Variants in ALKBH5 observed in about 807,000 individuals in gnomAD.
ALKBH5 encodes RNA demethylase ALKBH5.
In ALKBH5, 2 loss-of-function variants were observed where a neutral mutation model predicts 32.1. The ratio of observed to expected loss-of-function variants is 0.06; its 90% CI spans 0.03 to 0.20. The LOEUF (loss-of-function observed/expected upper bound fraction) is 0.20. ALKBH5 is among the 10% of genes least tolerant of loss of function. ALKBH5 has a pLI of 1.00. For missense variants in ALKBH5, 352 were observed against 559.5 expected (o/e 0.63, Z 3.74); for synonymous variants, 300 against 231.7 (o/e 1.29, Z -2.68).
At chr17:18,194,878 C>A in intron 1 of ALKBH5, 77 bp from the exon 2 acceptor site, 2 of 1,285,056 alleles carry the variant, frequency 1.6e-6, no homozygotes, top group Non-Finnish European at 2.2e-6. Flanking sequence ...AGGCCATGTT[C>A]CTGTCCTGTT....
intron 2 of ALKBH5, among the ~76,000 whole-genome samples, chr17:18,202,619 G>A (rs1401702519): frequency 6.6e-6 from 1 of 152,136 alleles, no homozygotes; most frequent in Non-Finnish European, 1.5e-5. Context: ...AGACGTTGGA[G>A]AGTAGTTGGT....
intron 1 of ALKBH5, among the ~76,000 whole-genome samples, chr17:18,188,434 G>A (rs2047152994): frequency 6.6e-6 from 1 of 152,252 alleles, no homozygotes; most frequent in Non-Finnish European, 1.5e-5. Context: ...TTGGTATTGG[G>A]TGGAGTGGGC....
chr17:18,208,260 C>G lies in ALKBH5; in HGVS notation c.1049C>G (p.Ser350Trp). Residue 350 changes from serine (S) to tryptophan (W), a missense_variant, in exon 4 of 4, where the codon TCG becomes TGG. Ser to Trp is a radical substitution (Grantham distance 177, BLOSUM62 -3). Coordinates refer to ENST00000399138, the MANE Select transcript of ALKBH5 (RefSeq NM_017758.4). ...LEMDKEENRR[S>W]VLLPTHRRRG... ...ATGGACAAGGAAGAGAACCGGCGCTCGGTGCTGCTGCCCACACACCGGCGG... is the reference window on the plus strand; with the variant it reads ...ATGGACAAGGAAGAGAACCGGCGCTGGGTGCTGCTGCCCACACACCGGCGG... 1 of 1,613,382 alleles carries G rather than the reference C, an allele frequency of 6.2e-7. No individual in the cohort carries two copies. The highest frequency in any genetic ancestry group is 8.5e-7 in the Non-Finnish European group (1 of 1,179,638).
rs533164130 is a variant in ALKBH5, at chr17:18,195,181, C to A, written c.851+146C>A. 28 of 639,804 alleles carry A rather than the reference C, an allele frequency of 4.4e-5. 1 individual carries two copies. The South Asian group carries it at 5.8e-4, about 13-fold the overall frequency. 39.6% of individuals were successfully genotyped at this position (639,804 alleles called of 1,614,324 possible). A position where few individuals can be genotyped will look rare whatever the true frequency, so the allele number is the denominator to read the frequency against. On this transcript the variant is annotated intron_variant, in intron 2 of 3. Transcript: ENST00000399138. ...TGTTAAGTTCTCTTTTTATTTGAAT[C>A]CTGTGAGGATAAAGTTGTTTTGTTG...
At chr17:18,186,966 C>G (rs1269714806) in intron 1 of ALKBH5, among the ~76,000 whole-genome samples, 1 of 152,114 alleles carries the variant, frequency 6.6e-6, no homozygotes, top group Admixed American at 6.5e-5. Flanking sequence ...GGGCCTGGCA[C>G]AGGGTAGGTA....
intron 1 of ALKBH5, among the ~76,000 whole-genome samples, chr17:18,194,137 T>G (rs1210247013): frequency 6.6e-6 from 1 of 151,324 alleles, no homozygotes; most frequent in African/African-American, 2.4e-5. Context: ...TGGAAATCCT[T>G]TTTTTTTGGG....
In ALKBH5 at chr17:18,184,080, C is replaced by G. The variant is rs1177585084; in HGVS notation, c.-164C>G. The G allele has an allele frequency of 1.4e-6, 1 of 700,460 alleles. No individual in the cohort carries two copies. The highest frequency in any genetic ancestry group is 2.5e-6 in the Non-Finnish European group (1 of 397,896). The allele number at this position is 700,460 out of a possible 1,614,324, so 43.4% of individuals were successfully genotyped here. A position where few individuals can be genotyped will look rare whatever the true frequency, so the allele number is the denominator to read the frequency against. ...GACCCGCCGCTCCTGAGGCCCTACCCCACGCCCGGACCCTCGACGCCCCCC... is the reference window on the plus strand; with the variant it reads ...GACCCGCCGCTCCTGAGGCCCTACCGCACGCCCGGACCCTCGACGCCCCCC... On this transcript the variant is annotated 5_prime_UTR_variant, in exon 1 of 4. Transcript: ENST00000399138.
intron 1 of ALKBH5, among the ~76,000 whole-genome samples, chr17:18,192,038 C>T (rs944590331): frequency 3.3e-5 from 5 of 152,010 alleles, no homozygotes; most frequent in Non-Finnish European, 5.9e-5. Context: ...AGTCTAGACC[C>T]CCATTCCCCC....
chr17:18,196,417 C>T (rs954950994), intron 2 of ALKBH5, among the ~76,000 whole-genome samples: 2 of 152,164 alleles, frequency 1.3e-5, no homozygotes, highest in Admixed American at 1.3e-4. Flanking sequence ...ATGGGGTTTC[C>T]CCCATGTTGG....
chr17:18,208,686 C>A lies in ALKBH5; in HGVS notation c.*290C>A. 1 of 528,154 alleles carries A rather than the reference C, an allele frequency of 1.9e-6. No homozygotes were observed. The highest frequency in any genetic ancestry group is 3.4e-6 in the Non-Finnish European group (1 of 290,504). The allele number at this position is 528,154 out of a possible 1,614,324, so 32.7% of individuals were successfully genotyped here. A position where few individuals can be genotyped will look rare whatever the true frequency, so the allele number is the denominator to read the frequency against. ...GGCCAGTAGAGGTGGTGGAGCAGAG[C>A]AGCCATCTTTTAAGTGGGGCTGTAT... On this transcript the variant is annotated 3_prime_UTR_variant, in exon 4 of 4. Transcript: ENST00000399138.
Position 18,208,406 on chromosome 17 carries a change from C to T in ALKBH5, c.*10C>T, listed in dbSNP as rs763195967. 1 of 1,611,224 alleles carries T rather than the reference C, an allele frequency of 6.2e-7. No individual in the cohort carries two copies. Among genetic ancestry groups the T allele is most frequent in the Non-Finnish European group, 8.5e-7 (1 of 1,178,980 alleles). On this transcript the variant is annotated 3_prime_UTR_variant, in exon 4 of 4. Coordinates refer to ENST00000399138, the MANE Select transcript of ALKBH5 (RefSeq NM_017758.4). The stretch of plus-strand genomic sequence containing the variant: ...GATGCGGCGGCACTGAGTCTACCCG[C>T]CGCCCTCCTGGGAACTCTGGCTCAT...
At chr17:18,206,694 C>A in intron 2 of ALKBH5, 121 bp from the exon 3 acceptor site, 2 of 1,079,954 alleles carry the variant, frequency 1.9e-6, no homozygotes, top group Non-Finnish European at 1.4e-6. Flanking sequence ...AGGTACAGAG[C>A]AGAGACTGCT....
chr17:18,189,445 C>CT (rs1458404681), intron 1 of ALKBH5, among the ~76,000 whole-genome samples: 1 of 152,206 alleles, frequency 6.6e-6, no homozygotes, highest in Non-Finnish European at 1.5e-5. Flanking sequence ...ATAGCCTTCA[C>CT]TGATACAGTG....
Position 18,206,945 on chromosome 17 carries a change from A to G in ALKBH5, c.982A>G (p.Lys328Glu), listed in dbSNP as rs2047272494. Residue 328 changes from lysine to glutamate, a missense_variant, in exon 3 of 4, where the codon AAG (lysine) becomes GAG (glutamate). By Grantham distance (56) the Lys-to-Glu change is moderately conservative. Transcript: ENST00000399138. ...PALKPKRSHR[K>E]ADPDAAHRPR... ...TCTGAAACCCAAGCGGTCCCACCGC[A>G]AGGCAGACCCTGATGCTGCCCACAG... The G allele has an allele frequency of 6.2e-7, 1 of 1,614,262 alleles. No homozygotes were observed. The highest frequency in any genetic ancestry group is 8.5e-7 in the Non-Finnish European group (1 of 1,180,056).
chr17:18,201,171 G>A (rs2047234515), intron 2 of ALKBH5, among the ~76,000 whole-genome samples: 2 of 152,172 alleles, frequency 1.3e-5, no homozygotes. Flanking sequence ...TCTGACCAGG[G>A]CTTGGTGTTG....
chr17:18,188,423 G>A (rs148955795), intron 1 of ALKBH5, among the ~76,000 whole-genome samples: 85 of 152,390 alleles, frequency 5.6e-4, no homozygotes, highest in Non-Finnish European at 1.1e-3. Context: ...CCAGTTAACG[G>A]TTGGTATTGG....
intron 2 of ALKBH5, among the ~76,000 whole-genome samples, chr17:18,205,123 C>T (rs892133558): frequency 6.6e-6 from 1 of 152,216 alleles, no homozygotes; most frequent in Non-Finnish European, 1.5e-5. Flanking sequence ...ACCACCTCTA[C>T]CCAGAGAATC....
At chr17:18,189,917 T>C (rs2047163638) in intron 1 of ALKBH5, among the ~76,000 whole-genome samples, 1 of 152,180 alleles carries the variant, frequency 6.6e-6, no homozygotes, top group Non-Finnish European at 1.5e-5. Context: ...GGACTTCTTA[T>C]AAAGTTAGGC....
At chr17:18,201,358 A>G (rs140783292) in intron 2 of ALKBH5, among the ~76,000 whole-genome samples, 1,870 of 152,308 alleles carry the variant, frequency 0.012, 31 homozygotes, top group African/African-American at 0.042. Context: ...GAAGGTGACA[A>G]ACTTGGGCTT....
Sources: gnomAD v4.1 joint callset for allele counts (sites outside exome capture counted in the v4.1 genomes callset) on GRCh38, gnomAD v4.1.1 for gene constraint, MANE v1.5 for transcripts, NCBI Gene and HGNC (gene_info 2026-07-23, HGNC 2026-07-21) for gene names.